The following DPP10 variants were observed in gnomAD, a reference collection of about 807,000 sequenced individuals.
DPP10 encodes inactive dipeptidyl peptidase 10.
In DPP10, 33 loss-of-function variants were observed where a neutral mutation model predicts 120.9. The observed-to-expected ratio is 0.27, with a 90% CI of 0.21 to 0.37. The LOEUF (loss-of-function observed/expected upper bound fraction) is 0.37, where lower values mean the gene tolerates loss of function less well. Ranked by LOEUF, DPP10 falls within the 10% of genes least tolerant of loss-of-function variation. The pLI, the probability that DPP10 is intolerant of heterozygous loss-of-function variation, is 1.00. For missense variants in DPP10, 816 were observed against 942.8 expected, an observed-to-expected ratio of 0.87 and a Z score of 1.76; for synonymous variants, 337 against 326.1, an observed-to-expected ratio of 1.03 and a Z score of -0.36.
intron 1 of DPP10, among the ~76,000 whole-genome samples, chr2:114,746,173 G>A (rs527536533): frequency 2.0e-5 from 3 of 151,402 alleles, no homozygotes; most frequent in African/African-American, 7.4e-5. Flanking sequence ...CCTAGTCCCT[G>A]TTTCCTTTTA....
intron 1 of DPP10, among the ~76,000 whole-genome samples, chr2:114,537,952 T>A (rs1686646286): frequency 6.6e-6 from 1 of 152,212 alleles, no homozygotes; most frequent in Admixed American, 6.5e-5. Flanking sequence ...ATTCGCAGAT[T>A]TGCCTGGCAG....
At chr2:114,836,634 C>G (rs1355796995) in intron 1 of DPP10, among the ~76,000 whole-genome samples, 1 of 152,108 alleles carries the variant, frequency 6.6e-6, no homozygotes. Context: ...TTCGGGCACC[C>G]ATTGTCATTG....
At chr2:115,201,755 T>G (rs2055742234) in intron 1 of DPP10, among the ~76,000 whole-genome samples, 1 of 152,138 alleles carries the variant, frequency 6.6e-6, no homozygotes. Flanking sequence ...AGCCCCTCCT[T>G]CCACAGTGGA....
chr2:114,656,597 T>C (rs1696985122), intron 1 of DPP10, among the ~76,000 whole-genome samples: 1 of 152,168 alleles, frequency 6.6e-6, no homozygotes, highest in Non-Finnish European at 1.5e-5. Flanking sequence ...TGTGCAATAT[T>C]TATTGAGCAA....
chr2:114,982,146 T>C (rs1328294623), intron 1 of DPP10, among the ~76,000 whole-genome samples: 1 of 152,002 alleles, frequency 6.6e-6, no homozygotes, highest in African/African-American at 2.4e-5. Context: ...TCCTGTTCTG[T>C]CCTGTAAAAA....
chr2:115,444,059 C>T (rs1423085508), intron 3 of DPP10, among the ~76,000 whole-genome samples: 4 of 152,142 alleles, frequency 2.6e-5, no homozygotes, highest in Non-Finnish European at 1.5e-5. Context: ...ACTCAAATGA[C>T]TTGCCCTGCC....
At chr2:114,810,367 G>A (rs2106319577) in intron 1 of DPP10, among the ~76,000 whole-genome samples, 1 of 152,298 alleles carries the variant, frequency 6.6e-6, no homozygotes, top group East Asian at 1.9e-4. Flanking sequence ...GCCTTCTGGA[G>A]AAGTTTAAAT....
chr2:114,904,182 G>A (rs1693799766), intron 1 of DPP10, among the ~76,000 whole-genome samples: 1 of 152,000 alleles, frequency 6.6e-6, no homozygotes. Context: ...GAGGAGAGCT[G>A]GAGAGAAAAC....
chr2:114,972,681 A>G (rs968671352), intron 1 of DPP10, among the ~76,000 whole-genome samples: 1 of 152,190 alleles, frequency 6.6e-6, no homozygotes, highest in African/African-American at 2.4e-5. Context: ...GTTTCTTTGT[A>G]TATATCTAAA....
At chr2:115,124,210 T>G (rs1165472809) in intron 1 of DPP10, among the ~76,000 whole-genome samples, 1 of 152,196 alleles carries the variant, frequency 6.6e-6, no homozygotes, top group Non-Finnish European at 1.5e-5. Context: ...CCCAAAGTGC[T>G]GGATTGCAGG....
At chr2:115,440,223 CAA>C (rs1489104944) in intron 3 of DPP10, among the ~76,000 whole-genome samples, 11 of 151,846 alleles carry the variant, frequency 7.2e-5, no homozygotes, top group African/African-American at 2.2e-4. Context: ...AGTTGAATAA[CAA>C]GAGAAGTTTT....
intron 1 of DPP10, among the ~76,000 whole-genome samples, chr2:115,289,506 G>GAAAAA (rs70941043): frequency 8.7e-6 from 1 of 114,384 alleles, no homozygotes; most frequent in African/African-American, 3.4e-5. Context: ...AAAAAAAAAG[G>GAAAAA]AAGAAAAGAA....
At chr2:115,191,072 C>T (rs562460485) in intron 1 of DPP10, among the ~76,000 whole-genome samples, 4 of 152,216 alleles carry the variant, frequency 2.6e-5, no homozygotes, top group Admixed American at 6.5e-5. Flanking sequence ...GACTTCTGCT[C>T]CTATACTATA....
intron 1 of DPP10, among the ~76,000 whole-genome samples, chr2:114,752,604 G>C (rs999606638): frequency 1.3e-5 from 2 of 152,128 alleles, no homozygotes; most frequent in Non-Finnish European, 2.9e-5. Flanking sequence ...GTTCATAGCA[G>C]AGCTTCTCAC....
At chr2:114,691,323 CAT>C (rs1400450036) in intron 1 of DPP10, among the ~76,000 whole-genome samples, 5 of 152,024 alleles carry the variant, frequency 3.3e-5, no homozygotes, top group Non-Finnish European at 7.4e-5. Flanking sequence ...TTGAGGTAAT[CAT>C]GTGGTTTTTG....
intron 1 of DPP10, among the ~76,000 whole-genome samples, chr2:114,495,387 TAAGTG>T (rs1480522379): frequency 2.6e-5 from 4 of 152,188 alleles, no homozygotes; most frequent in African/African-American, 9.6e-5. Context: ...TTTTATACTA[TAAGTG>T]ATCACATGTT....
At chr2:114,713,750 G>A (rs1701173405) in intron 1 of DPP10, among the ~76,000 whole-genome samples, 1 of 152,066 alleles carries the variant, frequency 6.6e-6, no homozygotes, top group Non-Finnish European at 1.5e-5. Flanking sequence ...CAACCCTTAG[G>A]GAGGCAGAGG....
chr2:115,086,708 G>A (rs549327110), intron 1 of DPP10, among the ~76,000 whole-genome samples: 7 of 152,058 alleles, frequency 4.6e-5, no homozygotes, highest in African/African-American at 7.2e-5. Flanking sequence ...TGCTCGCCTC[G>A]GCCTCCCAAA....
At chr2:115,011,786 A>T (rs1702282032) in intron 1 of DPP10, among the ~76,000 whole-genome samples, 1 of 151,974 alleles carries the variant, frequency 6.6e-6, no homozygotes, top group African/African-American at 2.4e-5. Flanking sequence ...GAATCCACAC[A>T]CCCTTTGAAA....
Sources: allele counts gnomAD v4.1 joint callset (sites outside exome capture counted in the v4.1 genomes callset), GRCh38; gene constraint gnomAD v4.1.1; transcripts MANE v1.5; gene names NCBI Gene and HGNC (gene_info 2026-07-23, HGNC 2026-07-21).